The following FHIT variants were observed in gnomAD, a reference collection of about 807,000 sequenced individuals.
FHIT encodes fragile histidine triad diadenosine triphosphatase, also known as bis(5'-adenosyl)-triphosphatase.
FHIT carries 19 observed loss-of-function variants against 17.9 expected under a neutral mutation model. The observed-to-expected ratio is 1.06, with a 90% CI of 0.74 to 1.56. The LOEUF is 1.56. Ranked by LOEUF, FHIT falls within the 40% of genes most tolerant of loss-of-function variation. The pLI is 0.00. For missense variants in FHIT, 248 were observed against 189.2 expected (o/e 1.31, Z -1.82); for synonymous variants, 81 against 69.7 (o/e 1.16, Z -0.81).
At chr3:60,350,131 G>C (rs113722318) in intron 5 of FHIT, among the ~76,000 whole-genome samples, 1 of 152,140 alleles carries the variant, frequency 6.6e-6, no homozygotes, top group Non-Finnish European at 1.5e-5. Flanking sequence ...CCTACATCAG[G>C]AGTGAAAGGA....
At chr3:61,004,961 G>A (rs527825982) in intron 3 of FHIT, among the ~76,000 whole-genome samples, 73 of 152,170 alleles carry the variant, frequency 4.8e-4, no homozygotes, top group African/African-American at 1.7e-3. Context: ...ATTCAATATA[G>A]CAATTATCTA....
At chr3:61,221,209 G>A (rs142760103) in intron 1 of FHIT, among the ~76,000 whole-genome samples, 146 of 152,306 alleles carry the variant, frequency 9.6e-4, no homozygotes, top group African/African-American at 3.4e-3. Flanking sequence ...TAACCCCAGG[G>A]GGAGACATTC....
chr3:60,600,639 G>A (rs773266612), intron 4 of FHIT, among the ~76,000 whole-genome samples: 3 of 152,138 alleles, frequency 2.0e-5, no homozygotes, highest in East Asian at 3.9e-4. Context: ...ACCCAGAAGC[G>A]GTACTAATCA....
chr3:60,587,547 G>C (rs1411417051), intron 4 of FHIT, among the ~76,000 whole-genome samples: 3 of 151,952 alleles, frequency 2.0e-5, no homozygotes, highest in Non-Finnish European at 4.4e-5. Flanking sequence ...AGAGAAAAAA[G>C]TAATCACCTG....
At chr3:60,410,899 T>C (rs887533045) in intron 5 of FHIT, among the ~76,000 whole-genome samples, 2 of 152,130 alleles carry the variant, frequency 1.3e-5, no homozygotes, top group Non-Finnish European at 2.9e-5. Flanking sequence ...TATGGAGTAA[T>C]AAGACAGAGA....
chr3:60,083,338 T>C (rs971312564), intron 5 of FHIT, among the ~76,000 whole-genome samples: 3 of 152,168 alleles, frequency 2.0e-5, no homozygotes, highest in Admixed American at 6.5e-5. Context: ...GCCAGTACCA[T>C]GCTGTTTTGG....
intron 5 of FHIT, among the ~76,000 whole-genome samples, chr3:60,037,259 G>C (rs941975382): frequency 6.6e-6 from 1 of 152,090 alleles, no homozygotes; most frequent in Admixed American, 6.6e-5. Flanking sequence ...AAACAAGGTA[G>C]AAAATACATA....
At chr3:60,491,714 C>G (rs573980241) in intron 5 of FHIT, among the ~76,000 whole-genome samples, 6 of 152,248 alleles carry the variant, frequency 3.9e-5, no homozygotes, top group Non-Finnish European at 8.8e-5. Context: ...TGGATTTAAA[C>G]GCATTTCATT....
intron 4 of FHIT, among the ~76,000 whole-genome samples, chr3:60,588,163 CTG>C (rs1452766080): frequency 5.3e-5 from 8 of 151,946 alleles, no homozygotes; most frequent in African/African-American, 9.7e-5. Flanking sequence ...GCATAATAAT[CTG>C]GGTCTCATTA....
intron 5 of FHIT, among the ~76,000 whole-genome samples, chr3:60,041,326 C>A (rs1202203869): frequency 2.0e-5 from 3 of 152,164 alleles, no homozygotes; most frequent in African/African-American, 4.8e-5. Flanking sequence ...CTCAGAAGTA[C>A]CTTCATCCTC....
intron 5 of FHIT, among the ~76,000 whole-genome samples, chr3:60,531,021 G>T (rs1281186354): frequency 6.6e-6 from 1 of 152,090 alleles, no homozygotes; most frequent in Non-Finnish European, 1.5e-5. Flanking sequence ...ACAATAATCT[G>T]CCAAATGAAG....
chr3:60,188,197 C>T (rs1454565000), intron 5 of FHIT, among the ~76,000 whole-genome samples: 2 of 129,694 alleles, frequency 1.5e-5, no homozygotes. Context: ...GGGATCTTGA[C>T]AGTTTCTTTC....
chr3:60,471,656 A>G (rs2033094189), intron 5 of FHIT, among the ~76,000 whole-genome samples: 1 of 152,098 alleles, frequency 6.6e-6, no homozygotes, highest in South Asian at 2.1e-4. Context: ...TCCTTAATAT[A>G]CTGTTAAAAC....
chr3:60,174,995 T>C (rs752829284), intron 5 of FHIT, among the ~76,000 whole-genome samples: 3 of 152,184 alleles, frequency 2.0e-5, no homozygotes, highest in Non-Finnish European at 4.4e-5. Flanking sequence ...AACGAAAGGA[T>C]AGGGGTGGAT....
At chr3:60,946,019 T>C (rs962508034) in intron 3 of FHIT, among the ~76,000 whole-genome samples, 6 of 152,184 alleles carry the variant, frequency 3.9e-5, no homozygotes, top group African/African-American at 1.2e-4. Context: ...GTCATAGTTT[T>C]GCCAGATAAG....
At chr3:60,671,463 G>A (rs1171498679) in intron 4 of FHIT, among the ~76,000 whole-genome samples, 1 of 152,048 alleles carries the variant, frequency 6.6e-6, no homozygotes. Context: ...AGGTACAAAT[G>A]TAATATAATA....
intron 2 of FHIT, among the ~76,000 whole-genome samples, chr3:61,191,921 T>G (rs1045749920): frequency 1.2e-4 from 19 of 152,184 alleles, no homozygotes; most frequent in African/African-American, 4.6e-4. Context: ...CGCGTGCCAG[T>G]GTCTGATTTA....
At position 60,263,917 on chromosome 3, in the gene FHIT, G is replaced by GT. The variant is rs143870387; in HGVS notation, c.104-249766dup. Among the ~76,000 whole-genome samples, 394 of 145,598 alleles carry GT rather than the reference G, an allele frequency of 2.7e-3. 1 individual carries two copies. The highest frequency in any genetic ancestry group is 4.6e-3 in the Admixed American group (67 of 14,604). On this transcript the variant is annotated intron_variant, in intron 5 of 9. Transcript: ENST00000492590. ...GGAAACTGGTCTGGAGAAAGTGAGT[G>GT]TTTTTTTTTTTAAATGAAAAGATTT...
At chr3:59,767,454 G>A in intron 8 of FHIT, among the ~76,000 whole-genome samples, 1 of 152,248 alleles carries the variant, frequency 6.6e-6, no homozygotes, top group East Asian at 1.9e-4. Flanking sequence ...AGCCGAGATT[G>A]TATCATTGCA....
Sources: gnomAD v4.1 joint callset for allele counts (sites outside exome capture counted in the v4.1 genomes callset) on GRCh38, gnomAD v4.1.1 for gene constraint, MANE v1.5 for transcripts, NCBI Gene and HGNC (gene_info 2026-07-23, HGNC 2026-07-21) for gene names.